Variants in ZNF385D observed in about 807,000 individuals in gnomAD.
ZNF385D encodes the protein zinc finger protein 385D, also known as zinc finger protein 659.
ZNF385D carries 15 observed loss-of-function variants against 35.8 expected under a neutral mutation model. The ratio of observed to expected loss-of-function variants is 0.42; its 90% CI spans 0.28 to 0.64. ZNF385D has a LOEUF of 0.64. Ranked by LOEUF, ZNF385D falls within the 30% of genes least tolerant of loss-of-function variation. The pLI, the probability that ZNF385D is intolerant of heterozygous loss-of-function variation, is 0.23. For missense variants in ZNF385D, 474 were observed against 494.6 expected (o/e 0.96, Z 0.39); for synonymous variants, 212 against 186.8 (o/e 1.13, Z -1.10).
intron 3 of ZNF385D, among the ~76,000 whole-genome samples, chr3:21,898,951 C>G (rs185338666): frequency 6.6e-6 from 1 of 152,220 alleles, no homozygotes; most frequent in South Asian, 2.1e-4. Flanking sequence ...TTGGCCAGAA[C>G]GGGGTCACAT....
chr3:21,454,278 T>A (rs1702643949), intron 4 of ZNF385D, among the ~76,000 whole-genome samples: 1 of 150,606 alleles, frequency 6.6e-6, no homozygotes, highest in Non-Finnish European at 1.5e-5. Context: ...TTGCAATGAT[T>A]GCATAACATT....
intron 2 of ZNF385D, among the ~76,000 whole-genome samples, chr3:22,298,365 G>T: frequency 7.0e-6 from 1 of 142,922 alleles, no homozygotes; most frequent in Non-Finnish European, 1.5e-5. Context: ...AGAGGAGAAA[G>T]CAGTATGTAT....
At chr3:22,316,393 G>T (rs957738702) in intron 2 of ZNF385D, among the ~76,000 whole-genome samples, 1 of 152,066 alleles carries the variant, frequency 6.6e-6, no homozygotes, top group Non-Finnish European at 1.5e-5. Context: ...TAATAAAGTA[G>T]GTCTTTCTTT....
At chr3:21,722,534 G>A (rs1313128819) in intron 1 of ZNF385D, among the ~76,000 whole-genome samples, 1 of 152,206 alleles carries the variant, frequency 6.6e-6, no homozygotes, top group Non-Finnish European at 1.5e-5. Flanking sequence ...TTGCAAGTTG[G>A]TTGTGCTCCC....
chr3:21,842,569 C>G (rs1695748539), intron 3 of ZNF385D, among the ~76,000 whole-genome samples: 1 of 151,946 alleles, frequency 6.6e-6, no homozygotes, highest in African/African-American at 2.4e-5. Flanking sequence ...AAATATTAAC[C>G]CTGTAATTAG....
At chr3:22,265,048 T>C (rs1374108847) in intron 2 of ZNF385D, among the ~76,000 whole-genome samples, 1 of 151,922 alleles carries the variant, frequency 6.6e-6, no homozygotes, top group Non-Finnish European at 1.5e-5. Flanking sequence ...GAACACCTTC[T>C]ATGTGCTATG....
chr3:22,334,247 GCTT>G (rs895191991), intron 2 of ZNF385D, among the ~76,000 whole-genome samples: 10 of 151,812 alleles, frequency 6.6e-5, no homozygotes, highest in Middle Eastern at 3.4e-3. Context: ...TTTTTGAATT[GCTT>G]CTTTTTAATA....
chr3:21,896,269 G>A (rs1040872188), intron 3 of ZNF385D, among the ~76,000 whole-genome samples: 1 of 152,136 alleles, frequency 6.6e-6, no homozygotes, highest in Non-Finnish European at 1.5e-5. Context: ...GGAAAGAGCT[G>A]ACCTTTGGGA....
chr3:21,765,732 AAGAG>A (rs986766478), intron 3 of ZNF385D, among the ~76,000 whole-genome samples: 4 of 78,962 alleles, frequency 5.1e-5, no homozygotes, highest in Admixed American at 4.5e-4. Flanking sequence ...CAGAGAGAGA[AAGAG>A]AGAGAGACAG....
At chr3:22,108,947 G>A (rs561502945) in intron 3 of ZNF385D, among the ~76,000 whole-genome samples, 6 of 152,128 alleles carry the variant, frequency 3.9e-5, no homozygotes, top group Non-Finnish European at 8.8e-5. Flanking sequence ...GAGAAGCGGA[G>A]GTTGCAATGA....
chr3:21,555,356 T>C (rs1011695510), intron 3 of ZNF385D, among the ~76,000 whole-genome samples: 3 of 152,070 alleles, frequency 2.0e-5, no homozygotes, highest in Admixed American at 6.6e-5. Flanking sequence ...CCTAATGCTA[T>C]CCCTCCCCTA....
chr3:21,631,831 C>T (rs1278527153), intron 2 of ZNF385D, among the ~76,000 whole-genome samples: 1 of 152,102 alleles, frequency 6.6e-6, no homozygotes, highest in African/African-American at 2.4e-5. Context: ...CTCACCAGAA[C>T]ATTTTAGGGA....
At chr3:22,140,289 T>C (rs1262502310) in intron 3 of ZNF385D, among the ~76,000 whole-genome samples, 2 of 152,188 alleles carry the variant, frequency 1.3e-5, no homozygotes, top group African/African-American at 2.4e-5. Flanking sequence ...AGATCTTAAA[T>C]TCATAATGCT....
intron 4 of ZNF385D, among the ~76,000 whole-genome samples, chr3:21,508,319 C>A (rs2125458678): frequency 6.6e-6 from 1 of 152,026 alleles, no homozygotes; most frequent in East Asian, 1.9e-4. Flanking sequence ...TGCCACCCTT[C>A]AAAGTTGTAA....
At chr3:21,480,055 A>G (rs952693649) in intron 4 of ZNF385D, among the ~76,000 whole-genome samples, 14 of 152,048 alleles carry the variant, frequency 9.2e-5, no homozygotes, top group Non-Finnish European at 1.9e-4. Context: ...ATGGTGGCAT[A>G]TAATAAACAC....
At chr3:22,203,372 G>A (rs931843255) in intron 2 of ZNF385D, among the ~76,000 whole-genome samples, 4 of 152,108 alleles carry the variant, frequency 2.6e-5, no homozygotes, top group Non-Finnish European at 5.9e-5. Flanking sequence ...CCTGAGTCTT[G>A]AATTATAAGC....
intron 3 of ZNF385D, among the ~76,000 whole-genome samples, chr3:22,124,295 T>G (rs1470597200): frequency 6.6e-6 from 1 of 152,158 alleles, no homozygotes; most frequent in African/African-American, 2.4e-5. Flanking sequence ...CTTCATTGTG[T>G]ATAAGTACCG....
chr3:21,663,908 TATA>T lies in ZNF385D; in HGVS notation c.165+975_165+977del, dbSNP rs2066314259. Among the ~76,000 whole-genome samples the T allele has an allele frequency of 4.8e-5, 6 of 124,254 alleles. 1 individual carries two copies. The highest frequency in any genetic ancestry group is 4.3e-4 in the East Asian group (2 of 4,608). The allele number at this position is 124,254 out of a possible 152,430, so 81.5% of individuals were successfully genotyped here. A position where few individuals can be genotyped will look rare whatever the true frequency, so the allele number is the denominator to read the frequency against. ...TGGGCCGAATATATATATATATATA[TATA>T]TATATATTTATTTATTTAAATCCAT... On this transcript the variant is annotated intron_variant, in intron 2 of 7. Transcript: ENST00000281523.
chr3:21,794,543 G>C lies in ZNF385D; in HGVS notation c.326-129515C>G, dbSNP rs79312334. Among the ~76,000 whole-genome samples the C allele has an allele frequency of 3.5e-3, 528 of 152,250 alleles. 6 individuals are homozygous for C. The highest frequency in any genetic ancestry group is 0.012 in the African/African-American group (491 of 41,554). On this transcript the variant is annotated intron_variant, in intron 3 of 5. Transcript: ENST00000494108. ...GATGCCCAAGATCCAGATGCAAGGA[G>C]ATTTGATATGCGGTGGGGGCTTGTT...
Sources: gnomAD v4.1 joint callset for allele counts (sites outside exome capture counted in the v4.1 genomes callset) on GRCh38, gnomAD v4.1.1 for gene constraint, MANE v1.5 for transcripts, NCBI Gene and HGNC (gene_info 2026-07-23, HGNC 2026-07-21) for gene names.